R3HDM1: variants seen among roughly 807,000 people sequenced by gnomAD.
R3HDM1 encodes the protein R3H domain containing 1.
In R3HDM1, 46 loss-of-function variants were observed where a neutral mutation model predicts 141.1. That is an observed-to-expected ratio of 0.33 (90% CI 0.26 to 0.42). R3HDM1 has a LOEUF of 0.42. R3HDM1 is among the 10% of genes least tolerant of loss of function. The pLI, the probability that R3HDM1 is intolerant of heterozygous loss-of-function variation, is 1.00. For missense variants in R3HDM1, 1,184 were observed against 1,368.3 expected, an observed-to-expected ratio of 0.87 and a Z score of 2.12; for synonymous variants, 435 against 472.9, an observed-to-expected ratio of 0.92 and a Z score of 1.04.
chr2:135,579,559 T>C (rs1023105119), intron 1 of R3HDM1, among the ~76,000 whole-genome samples: 23 of 132,804 alleles, frequency 1.7e-4, no homozygotes, highest in African/African-American at 7.0e-4. Flanking sequence ...CCACAAGATA[T>C]GAATTACAAA....
chr2:135,637,898 G>C (rs901366966), intron 11 of R3HDM1, among the ~76,000 whole-genome samples: 1 of 152,138 alleles, frequency 6.6e-6, no homozygotes, highest in Non-Finnish European at 1.5e-5. Context: ...CTTCATTGCA[G>C]ATACTCAAAT....
chr2:135,686,809 A>G (rs542065848), intron 21 of R3HDM1, among the ~76,000 whole-genome samples: 1 of 152,252 alleles, frequency 6.6e-6, no homozygotes, highest in Non-Finnish European at 1.5e-5. Context: ...ATCCTGCCAT[A>G]TGTAACAATG....
At chr2:135,685,094 A>G (rs2071105672) in intron 21 of R3HDM1, among the ~76,000 whole-genome samples, 1 of 152,176 alleles carries the variant, frequency 6.6e-6, no homozygotes, top group Admixed American at 6.5e-5. Context: ...TATCATGAAC[A>G]TCAGATTAGT....
intron 18 of R3HDM1, among the ~76,000 whole-genome samples, chr2:135,660,959 A>G (rs929282911): frequency 8.5e-5 from 13 of 152,116 alleles, no homozygotes; most frequent in East Asian, 3.8e-4. Context: ...AATGGCTTCT[A>G]TGGAAGTTAG....
intron 16 of R3HDM1, among the ~76,000 whole-genome samples, chr2:135,646,292 C>A (rs1202414863): frequency 6.6e-6 from 1 of 151,598 alleles, no homozygotes; most frequent in African/African-American, 2.4e-5. Context: ...GCCGCCACCA[C>A]GCCCGGCAAA....
rs1254170400 is a variant in R3HDM1, at chr2:135,645,615, A to G, written c.1623+88A>G. On this transcript the variant is annotated intron_variant, in intron 16 of 26. Coordinates refer to ENST00000683871, the MANE Select transcript of R3HDM1 (RefSeq NM_001378107.1). ...TCGCTAATTATAATTGAGATAGCCT[A>G]AGTATCTCTTAGAACTTTAATATTC... 4 of 1,444,790 alleles carry G rather than the reference A, an allele frequency of 2.8e-6. No individual in the cohort carries two copies. The African/African-American group carries it at 5.6e-5, about 20-fold the overall frequency. 89.5% of individuals were successfully genotyped at this position (1,444,790 alleles called of 1,614,324 possible). A position where few individuals can be genotyped will look rare whatever the true frequency, so the allele number is the denominator to read the frequency against.
intron 21 of R3HDM1, among the ~76,000 whole-genome samples, chr2:135,701,790 T>C (rs188969992): frequency 1.7e-4 from 26 of 152,334 alleles, no homozygotes; most frequent in African/African-American, 6.3e-4. Context: ...TCTGGCATTT[T>C]TAATACTTTT....
At chr2:135,607,241 C>G in intron 3 of R3HDM1, 2 of 845,496 alleles carry the variant, frequency 2.4e-6, no homozygotes, top group Non-Finnish European at 2.8e-6. Context: ...CCTGCCTCAG[C>G]CTCCCAAACT....
At chr2:135,698,349 C>T (rs1261382651) in intron 21 of R3HDM1, among the ~76,000 whole-genome samples, 2 of 151,540 alleles carry the variant, frequency 1.3e-5, no homozygotes, top group Admixed American at 6.6e-5. Flanking sequence ...TTAGTAGAGA[C>T]GGGGTTTCAC....
chr2:135,625,161 A>G (rs2061880190), intron 7 of R3HDM1, among the ~76,000 whole-genome samples: 1 of 152,196 alleles, frequency 6.6e-6, no homozygotes, highest in African/African-American at 2.4e-5. Context: ...AAATAAAATA[A>G]CAGAGGGGCC....
chr2:135,650,844 G>A lies in R3HDM1; in HGVS notation c.1725+841G>A, dbSNP rs903385402. On this transcript the variant is annotated intron_variant, in intron 17 of 26. Transcript: ENST00000683871. Reference sequence around the variant, plus strand: ...GCAGACATGTCAACTTTGATATGATGACTCAATTGCCACAATTTTGTAAGT... The same window carrying A: ...GCAGACATGTCAACTTTGATATGATAACTCAATTGCCACAATTTTGTAAGT... 3.0e-6 allele frequency: 3 copies of A among 985,036 alleles called. No individual in the cohort carries two copies. The Admixed American group carries it at 1.8e-4, about 61-fold the overall frequency. 61.0% of individuals were successfully genotyped at this position (985,036 alleles called of 1,614,324 possible). A position where few individuals can be genotyped will look rare whatever the true frequency, so the allele number is the denominator to read the frequency against.
At chr2:135,669,224 G>C (rs2067964445) in intron 19 of R3HDM1, 1 of 985,198 alleles carries the variant, frequency 1.0e-6, no homozygotes. Flanking sequence ...CAAACCAAGG[G>C]AAGGACTGTT....
At chr2:135,596,516 C>G (rs2059205419) in intron 1 of R3HDM1, among the ~76,000 whole-genome samples, 1 of 152,074 alleles carries the variant, frequency 6.6e-6, no homozygotes, top group Non-Finnish European at 1.5e-5. Context: ...GAAGTCCCTT[C>G]TCCGTCTTAC....
At chr2:135,606,472 C>G (rs894033034) in intron 3 of R3HDM1, 1 of 150,684 alleles carries the variant, frequency 6.6e-6, no homozygotes, top group Non-Finnish European at 1.5e-5. Context: ...AAAAGTTATT[C>G]AAAAAAAAAT....
In R3HDM1 at chr2:135,552,196, T is replaced by G. The variant is rs375899823; in HGVS notation, c.-250+20563T>G. ...ACCTAATCCAGAATTTTTTTTTCTT[T>G]TTTGGGGGGTGCGGGGAGGGACAGG... On this transcript the variant is annotated intron_variant, in intron 1 of 26. Transcript: ENST00000683871. Among the ~76,000 whole-genome samples, 13 of 152,246 alleles carry G rather than the reference T, an allele frequency of 8.5e-5. No individual in the cohort carries two copies. In the South Asian group the frequency reaches 2.7e-3, roughly 32 times the overall value.
At chr2:135,596,583 C>T (rs539098156) in intron 1 of R3HDM1, among the ~76,000 whole-genome samples, 2 of 152,222 alleles carry the variant, frequency 1.3e-5, no homozygotes, top group Admixed American at 1.3e-4. Context: ...TAGGTATATA[C>T]TCTTCCCATC....
chr2:135,622,670 C>T lies in R3HDM1; in HGVS notation c.435C>T (p.Tyr145=). ...KMLSRDSSQE[Y]TDSTGIDLHE... is the part of the protein sequence containing the mutation. ...GTTTTTTAGATTCCAGTCAAGAATA[C>T]ACTGATTCAACTGGCATAGATCTAC... The change falls in exon 7 of 27, where the codon TAC becomes TAT. Residue 145 remains tyrosine, a synonymous_variant. Transcript: ENST00000683871. The T allele has an allele frequency of 6.2e-7, 1 of 1,600,500 alleles. No individual in the cohort carries two copies. The highest frequency in any genetic ancestry group is 8.5e-7 in the Non-Finnish European group (1 of 1,172,928).
chr2:135,607,849 CT>C, intron 3 of R3HDM1: 1 of 983,086 alleles, frequency 1.0e-6, no homozygotes, highest in Non-Finnish European at 1.2e-6. Flanking sequence ...AAAATCTCTT[CT>C]TTACCAAGGG....
chr2:135,696,694 A>G (rs1317742491), intron 21 of R3HDM1, among the ~76,000 whole-genome samples: 1 of 151,870 alleles, frequency 6.6e-6, no homozygotes, highest in Non-Finnish European at 1.5e-5. Context: ...ATCTCACTGT[A>G]TTACCCTGCT....
Sources: allele counts gnomAD v4.1 joint callset (sites outside exome capture counted in the v4.1 genomes callset), GRCh38; gene constraint gnomAD v4.1.1; transcripts MANE v1.5; gene names NCBI Gene and HGNC (gene_info 2026-07-23, HGNC 2026-07-21).